The following ERMARD variants were observed in gnomAD, a reference collection of about 807,000 sequenced individuals.
ERMARD encodes the protein ER membrane associated RNA degradation, also known as endoplasmic reticulum membrane-associated RNA degradation protein.
A neutral mutation model predicts 83.9 loss-of-function variants in ERMARD; 71 were observed. The observed-to-expected ratio is 0.85, with a 90% CI of 0.70 to 1.03. ERMARD has a LOEUF of 1.03. ERMARD is among the 50% of genes least tolerant of loss of function. The pLI is 0.00. For synonymous variants in ERMARD, 284 were observed against 298.6 expected, an observed-to-expected ratio of 0.95 and a Z score of 0.50; for missense variants, 838 against 810.9, an observed-to-expected ratio of 1.03 and a Z score of -0.41.
At chr6:169,755,544 A>C in intron 3 of ERMARD, 122 bp downstream of exon 3, 2 of 1,279,086 alleles carry the variant, frequency 1.6e-6, no homozygotes, top group Non-Finnish European at 2.1e-6. Context: ...TGAAGTGTTG[A>C]GGGTTGTAAG....
At position 169,771,054 on chromosome 6, in the gene ERMARD, A is replaced by AT. The variant is rs1792844954; in HGVS notation, c.1233+1347dup. On this transcript the variant is annotated intron_variant, in intron 12 of 17. Coordinates refer to ENST00000366773, the MANE Select transcript of ERMARD (RefSeq NM_018341.3). The stretch of plus-strand genomic sequence containing the variant: ...TGTATACATTTTCTCTGATACTTCT[A>AT]TTTTTTCTTTTTTCTTTTCTTTCTT... 3.5e-5 allele frequency: 5 copies of AT among 143,362 alleles called. No homozygotes were observed. The East Asian group carries it at 1.0e-3, about 30-fold the overall frequency. 8.9% of individuals were successfully genotyped at this position (143,362 alleles called of 1,614,324 possible).
At chr6:169,761,673 G>GGTTTT (rs57170501) in intron 8 of ERMARD, among the ~76,000 whole-genome samples, 1,548 of 151,300 alleles carry the variant, frequency 0.01, 21 homozygotes, top group African/African-American at 0.034. Context: ...ATGTGTAAGT[G>GGTTTT]GTTTTGTTTT....
chr6:169,779,432 G>C, intron 17 of ERMARD, 137 bp downstream of exon 17: 1 of 720,154 alleles, frequency 1.4e-6, no homozygotes, highest in Non-Finnish European at 2.5e-6. Flanking sequence ...GCAAGGGTCT[G>C]ACATCTGGCC....
At chr6:169,762,753 A>G (rs949738052) in intron 9 of ERMARD, among the ~76,000 whole-genome samples, 2 of 152,192 alleles carry the variant, frequency 1.3e-5, no homozygotes, top group Admixed American at 6.5e-5. Context: ...TTAAAACTCA[A>G]TGATACCGTG....
chr6:169,781,217 A>G (rs1794162011), intron 17 of ERMARD, 113 bp from the exon 18 acceptor site: 5 of 935,140 alleles, frequency 5.3e-6, no homozygotes, highest in African/African-American at 3.5e-5. Flanking sequence ...ATCCTCAGAC[A>G]TAAATTAACT....
chr6:169,754,137 G>A, intron 2 of ERMARD, 105 bp downstream of exon 2: 1 of 1,111,942 alleles, frequency 9.0e-7, no homozygotes, highest in Non-Finnish European at 1.3e-6. Flanking sequence ...GTTAGATAAT[G>A]TTATAATACA....
chr6:169,754,068 T>C (rs192530286), intron 2 of ERMARD, 36 bp downstream of exon 2: 2 of 1,558,976 alleles, frequency 1.3e-6, no homozygotes, highest in Non-Finnish European at 1.7e-6. Context: ...CTTTCATAAC[T>C]GTCCCATTGA....
rs1470113243 is a variant in ERMARD, at chr6:169,776,022, A to G, written c.1477A>G (p.Asn493Asp). 6.2e-7 allele frequency: 1 copy of G among 1,614,228 alleles called. No homozygotes were observed. The highest frequency in any genetic ancestry group is 8.5e-7 in the Non-Finnish European group (1 of 1,180,036). ...TDELYHHMPE[N>D]RCVLKDLDRL... ...TGAGCTGTATCACCATATGCCTGAG[A>G]ATCGTTGTGTGTTAAAGGACTTGGA... Residue 493 changes from asparagine to aspartate, a missense_variant, in exon 15 of 18, where the codon AAT becomes GAT. Physicochemically the swap from Asn to Asp is conservative, Grantham distance 23 (BLOSUM62 1). Transcript: ENST00000366773.
chr6:169,776,587 C>T lies in ERMARD; in HGVS notation c.1653C>T (p.Thr551=), dbSNP rs200837363. 2.8e-5 allele frequency: 45 copies of T among 1,614,116 alleles called. No homozygotes were observed. The East Asian group carries it at 4.2e-4, about 15-fold the overall frequency. ...EQCRRVSSQV[T]VASELRHRQW... is the part of the protein sequence containing the mutation. ...GCCGCCGTGTGTCCAGCCAGGTCAC[C>T]GTTGCCTCAGAGCTGAGACACAGGC... The change falls in exon 16 of 18, where the codon ACC becomes ACT. Residue 551 remains threonine (T), a synonymous_variant. Coordinates refer to ENST00000366773, the MANE Select transcript of ERMARD (RefSeq NM_018341.3).
At chr6:169,760,275 T>TCTC (rs1791374707) in intron 7 of ERMARD, among the ~76,000 whole-genome samples, 1 of 152,230 alleles carries the variant, frequency 6.6e-6, no homozygotes, top group Non-Finnish European at 1.5e-5. Flanking sequence ...ATGTACATTT[T>TCTC]CTCCTCCTTT....
chr6:169,776,782 C>T (rs1380047486), intron 16 of ERMARD, 109 bp downstream of exon 16: 2 of 1,284,784 alleles, frequency 1.6e-6, no homozygotes, highest in Non-Finnish European at 2.2e-6. Flanking sequence ...TCACTGAACC[C>T]CATCGACAGG....
chr6:169,773,698 T>C (rs549501190), intron 13 of ERMARD, among the ~76,000 whole-genome samples: 2 of 152,364 alleles, frequency 1.3e-5, no homozygotes, highest in South Asian at 2.1e-4. Context: ...CAGGCTGTTA[T>C]TGCTGTCAGC....
At chr6:169,767,015 A>C (rs2128353622) in intron 10 of ERMARD, 1 of 204,808 alleles carries the variant, frequency 4.9e-6, no homozygotes, top group Admixed American at 5.9e-5. Context: ...TGTGGGATAC[A>C]TTGATTCATT....
At chr6:169,778,606 C>T (rs1308742988) in intron 16 of ERMARD, among the ~76,000 whole-genome samples, 2 of 152,142 alleles carry the variant, frequency 1.3e-5, no homozygotes, top group African/African-American at 2.4e-5. Context: ...GCTGGATTCC[C>T]CTCCAGAAAG....
At chr6:169,770,282 G>A (rs577112608) in intron 12 of ERMARD, 1 of 152,312 alleles carries the variant, frequency 6.6e-6, no homozygotes, top group South Asian at 2.1e-4. Flanking sequence ...ATAATTCGGT[G>A]TTGTTGCTAC....
chr6:169,779,289 A>T lies in ERMARD; in HGVS notation c.1847A>T (p.Tyr616Phe), dbSNP rs746119596. The T allele has an allele frequency of 6.2e-7, 1 of 1,613,894 alleles. No individual in the cohort carries two copies. Among genetic ancestry groups the T allele is most frequent in the Non-Finnish European group, 8.5e-7 (1 of 1,179,772 alleles). The change falls in exon 17 of 18, where the codon TAC becomes TTC. Residue 616 changes from tyrosine (Y) to phenylalanine (F), a missense_variant. Tyr to Phe is a conservative substitution (Grantham distance 22). Coordinates refer to ENST00000366773, the MANE Select transcript of ERMARD (RefSeq NM_018341.3). ...AAGAATGCGCATGAGTATCAGCAGTACCTAAAGTAAGTGTGTCACAGTATG... is the reference window on the plus strand; with the variant it reads ...AAGAATGCGCATGAGTATCAGCAGTTCCTAAAGTAAGTGTGTCACAGTATG... ...CGKNAHEYQQYLKFVKSILQY... is the reference protein window; with the variant it reads ...CGKNAHEYQQFLKFVKSILQY...
intron 8 of ERMARD, among the ~76,000 whole-genome samples, chr6:169,761,005 G>T (rs1350362546): frequency 6.6e-6 from 1 of 152,130 alleles, no homozygotes; most frequent in Non-Finnish European, 1.5e-5. Flanking sequence ...ATATTTTCTG[G>T]AAGTCTTAGA....
At chr6:169,781,093 G>A (rs542633331) in intron 17 of ERMARD, among the ~76,000 whole-genome samples, 2 of 152,314 alleles carry the variant, frequency 1.3e-5, no homozygotes, top group Admixed American at 6.5e-5. Flanking sequence ...GCTTGAAAAG[G>A]TGCTTGCGTT....
intron 17 of ERMARD, among the ~76,000 whole-genome samples, chr6:169,781,122 C>T (rs1159813937): frequency 1.3e-5 from 2 of 152,134 alleles, no homozygotes; most frequent in African/African-American, 4.8e-5. Flanking sequence ...TCCAAGTGTC[C>T]AGTAGCATTT....
Sources: gnomAD v4.1 joint callset for allele counts (sites outside exome capture counted in the v4.1 genomes callset) on GRCh38, gnomAD v4.1.1 for gene constraint, MANE v1.5 for transcripts, NCBI Gene and HGNC (gene_info 2026-07-23, HGNC 2026-07-21) for gene names.